The following SYNPR variants were observed in gnomAD, a reference collection of about 807,000 sequenced individuals.
SYNPR encodes synaptoporin.
In SYNPR, 23 loss-of-function variants were observed where a neutral mutation model predicts 32.9. The observed-to-expected ratio is 0.70, with a 90% confidence interval of 0.50 to 0.99. The LOEUF is 0.99. Ranked by LOEUF, SYNPR falls within the 50% of genes least tolerant of loss-of-function variation. The pLI, the probability that SYNPR is intolerant of heterozygous loss-of-function variation, is 0.00. For synonymous variants in SYNPR, 146 were observed against 135.9 expected, an observed-to-expected ratio of 1.07 and a Z score of -0.52; for missense variants, 318 against 349.3, an observed-to-expected ratio of 0.91 and a Z score of 0.71.
At chr3:63,402,652 G>A (rs1028123470) in intron 2 of SYNPR, among the ~76,000 whole-genome samples, 1 of 152,172 alleles carries the variant, frequency 6.6e-6, no homozygotes, top group African/African-American at 2.4e-5. Context: ...ATTCACTGAA[G>A]GAGAGGAAAA....
chr3:63,257,594 G>A (rs528721043), intron 2 of SYNPR, among the ~76,000 whole-genome samples: 2 of 152,296 alleles, frequency 1.3e-5, no homozygotes, highest in South Asian at 2.1e-4. Flanking sequence ...GGAACAACCA[G>A]TAACAGCCAC....
intron 2 of SYNPR, among the ~76,000 whole-genome samples, chr3:63,475,675 T>C (rs564065992): frequency 6.6e-6 from 1 of 152,238 alleles, no homozygotes; most frequent in East Asian, 1.9e-4. Context: ...CAAATGGAGA[T>C]CTGTCTCTCT....
At chr3:63,404,528 T>C (rs970729971) in intron 2 of SYNPR, among the ~76,000 whole-genome samples, 2 of 152,186 alleles carry the variant, frequency 1.3e-5, no homozygotes, top group African/African-American at 4.8e-5. Context: ...GCTGTATCTT[T>C]CTGATTTTCC....
chr3:63,510,217 T>C (rs1157554644), intron 3 of SYNPR, among the ~76,000 whole-genome samples: 3 of 152,148 alleles, frequency 2.0e-5, no homozygotes, highest in Non-Finnish European at 4.4e-5. Flanking sequence ...ATTCACAAGG[T>C]AAGGTTGTTA....
In SYNPR at chr3:63,400,387, G is replaced by C. The variant is rs533978338; in HGVS notation, c.85-80445G>C. 2.6e-5 allele frequency among the ~76,000 whole-genome samples: 4 copies of C among 152,328 alleles called. No homozygotes were observed. The South Asian group carries it at 8.3e-4, about 32-fold the overall frequency. On this transcript the variant is annotated intron_variant, in intron 2 of 5. Coordinates refer to ENST00000478300, the MANE Select transcript of SYNPR (RefSeq NM_001130003.2). ...AAACTGCAATCGAGATGTCAGTCACGGCTGCAGTAACCTGAAGGACTGAGT... is the reference window on the plus strand; with the variant it reads ...AAACTGCAATCGAGATGTCAGTCACCGCTGCAGTAACCTGAAGGACTGAGT...
At chr3:63,344,571 T>A (rs796161083) in intron 2 of SYNPR, among the ~76,000 whole-genome samples, 1 of 150,014 alleles carries the variant, frequency 6.7e-6, no homozygotes, top group Admixed American at 6.7e-5. Flanking sequence ...TTTTTTTTTT[T>A]ACAGATTAAT....
intron 3 of SYNPR, among the ~76,000 whole-genome samples, chr3:63,524,858 T>TGTGC (rs1330147573): frequency 5.3e-4 from 79 of 150,256 alleles, no homozygotes; most frequent in African/African-American, 1.9e-3. Flanking sequence ...TGTGCATGTG[T>TGTGC]GTGTGTGTGT....
At chr3:63,471,217 C>T (rs1364672021) in intron 2 of SYNPR, among the ~76,000 whole-genome samples, 2 of 152,254 alleles carry the variant, frequency 1.3e-5, no homozygotes, top group African/African-American at 2.4e-5. Context: ...ACATTGGGGC[C>T]ATTTAAGAGC....
At chr3:63,226,422 T>G (rs1025331898), upstream of SYNPR, among the ~76,000 whole-genome samples, 1 of 152,140 alleles carries the variant, frequency 6.6e-6, no homozygotes, top group East Asian at 1.9e-4. Flanking sequence ...TGCAGCACTA[T>G]TCACAATAGC....
At chr3:63,538,531 A>C (rs1702247398) in intron 3 of SYNPR, among the ~76,000 whole-genome samples, 3 of 151,984 alleles carry the variant, frequency 2.0e-5, no homozygotes, top group Admixed American at 2.0e-4. Flanking sequence ...TATCTGCCCC[A>C]TTGATTTTGG....
At chr3:63,564,667 T>G (rs1395444742) in intron 4 of SYNPR, among the ~76,000 whole-genome samples, 1 of 152,222 alleles carries the variant, frequency 6.6e-6, no homozygotes, top group Non-Finnish European at 1.5e-5. Context: ...GCAAATACAT[T>G]AATCCATTCA....
At chr3:63,210,128 T>G in the SYNPR span, among the ~76,000 whole-genome samples, 1 of 152,236 alleles carries the variant, frequency 6.6e-6, no homozygotes, top group Non-Finnish European at 1.5e-5. Flanking sequence ...GTGTTAGTTT[T>G]GTGTAATTAG....
At chr3:63,363,688 C>T (rs933217086) in intron 2 of SYNPR, among the ~76,000 whole-genome samples, 6 of 152,114 alleles carry the variant, frequency 3.9e-5, no homozygotes, top group African/African-American at 1.4e-4. Context: ...ATGAGATGAG[C>T]TGTTCTTTAC....
At chr3:63,468,300 A>T (rs1470742444) in intron 2 of SYNPR, among the ~76,000 whole-genome samples, 1 of 151,988 alleles carries the variant, frequency 6.6e-6, no homozygotes, top group Non-Finnish European at 1.5e-5. Context: ...TGTTCAAAGG[A>T]GGTAGAATGT....
At chr3:63,300,772 G>C (rs1273649416) in intron 2 of SYNPR, among the ~76,000 whole-genome samples, 2 of 152,010 alleles carry the variant, frequency 1.3e-5, no homozygotes, top group Non-Finnish European at 2.9e-5. Context: ...AAGCTAGCCT[G>C]TATCTGAAAC....
At chr3:63,242,845 TAAAAC>T (rs2086258406) in intron 1 of SYNPR, among the ~76,000 whole-genome samples, 1 of 151,734 alleles carries the variant, frequency 6.6e-6, no homozygotes, top group Non-Finnish European at 1.5e-5. Context: ...ATAGAAAAGA[TAAAAC>T]AAGCACAAAA....
chr3:63,540,946 C>CACACACACACAT, intron 3 of SYNPR, among the ~76,000 whole-genome samples: 1 of 149,966 alleles, frequency 6.7e-6, no homozygotes. Context: ...CACACACACA[C>CACACACACACAT]ACACACACAC....
chr3:63,286,042 G>T (rs1299086473), intron 2 of SYNPR, among the ~76,000 whole-genome samples: 4 of 152,160 alleles, frequency 2.6e-5, no homozygotes, highest in Admixed American at 2.6e-4. Context: ...TTAAAGTCTT[G>T]GCAAAACTCT....
intron 2 of SYNPR, among the ~76,000 whole-genome samples, chr3:63,386,944 T>C (rs1442690450): frequency 6.6e-6 from 1 of 152,128 alleles, no homozygotes; most frequent in African/African-American, 2.4e-5. Context: ...TCCAGATAAT[T>C]AGGATATTTC....
Sources: allele counts gnomAD v4.1 joint callset (sites outside exome capture counted in the v4.1 genomes callset), GRCh38; gene constraint gnomAD v4.1.1; transcripts MANE v1.5; gene names NCBI Gene and HGNC (gene_info 2026-07-23, HGNC 2026-07-21).